Variants in PCDHA9 observed in about 807,000 individuals in gnomAD.
The protein encoded by PCDHA9 is protocadherin alpha-9.
PCDHA9 carries 62 observed loss-of-function variants against 62.0 expected under a neutral mutation model. The ratio of observed to expected loss-of-function variants is 1.00; its 90% CI spans 0.81 to 1.23. PCDHA9 has a LOEUF of 1.23. Among genes scored for constraint, PCDHA9 ranks in the 50% most tolerant of loss-of-function variants. The pLI, the probability that PCDHA9 is intolerant of heterozygous loss-of-function variation, is 0.00. For synonymous variants in PCDHA9, 557 were observed against 567.6 expected, an observed-to-expected ratio of 0.98 and a Z score of 0.27; for missense variants, 1,205 against 1,249.8, an observed-to-expected ratio of 0.96 and a Z score of 0.54.
chr5:140,850,216 A>C lies in PCDHA9; in HGVS notation c.1721A>C (p.Asp574Ala). 5 of 1,593,446 alleles carry C rather than the reference A, an allele frequency of 3.1e-6. No individual in the cohort carries two copies. The East Asian group carries it at 1.1e-4, about 36-fold the overall frequency. ...CTGACACCTCGGATGAGGGGCACTG[A>C]CGGCGCAGTGAGCGAGATGGTGCTG... Reference protein sequence around the residue: ...ALLTPRMRGTDGAVSEMVLRS... With the variant: ...ALLTPRMRGTAGAVSEMVLRS... Residue 574 changes from aspartate to alanine, a missense_variant, in exon 1 of 4, where the codon GAC becomes GCC. Transcript: ENST00000532602.
chr5:140,918,321 T>C (rs1175303192), intron 1 of PCDHA9, among the ~76,000 whole-genome samples: 2 of 152,054 alleles, frequency 1.3e-5, no homozygotes, highest in Non-Finnish European at 2.9e-5. Flanking sequence ...GGTATAAAAT[T>C]ATATTGTCTG....
intron 1 of PCDHA9, among the ~76,000 whole-genome samples, chr5:140,941,207 C>CTTCCTTTCTT (rs1563185091): frequency 3.9e-5 from 4 of 103,272 alleles, no homozygotes; most frequent in African/African-American, 1.7e-4. Context: ...TTCTTCCTTT[C>CTTCCTTTCTT]TTTCTTCCTT....
At chr5:140,875,987 TAA>T (rs781909320) in intron 1 of PCDHA9, 4 of 1,613,914 alleles carry the variant, frequency 2.5e-6, no homozygotes, top group Admixed American at 1.7e-5. Context: ...ACCTATGCGT[TAA>T]GTCTAAATGA....
intron 3 of PCDHA9, among the ~76,000 whole-genome samples, chr5:140,998,872 T>C (rs1159101161): frequency 6.6e-6 from 1 of 152,202 alleles, no homozygotes; most frequent in African/African-American, 2.4e-5. Flanking sequence ...TTGTAAATAA[T>C]AAGTTTAGTT....
chr5:140,876,979 G>A (rs1554169178), intron 1 of PCDHA9: 2 of 1,612,614 alleles, frequency 1.2e-6, no homozygotes, highest in South Asian at 2.2e-5. Flanking sequence ...GGGCGAGCAC[G>A]CACTGTCGAG....
chr5:140,858,041 C>A (rs1446194845), intron 1 of PCDHA9: 1 of 1,596,846 alleles, frequency 6.3e-7, no homozygotes, highest in East Asian at 2.2e-5. Context: ...GGCCACTGTG[C>A]TTGTGTCGCT....
intron 1 of PCDHA9, among the ~76,000 whole-genome samples, chr5:140,953,801 T>C (rs2094937379): frequency 6.6e-6 from 1 of 152,204 alleles, no homozygotes; most frequent in Non-Finnish European, 1.5e-5. Flanking sequence ...ACTTTTAAGT[T>C]CTGAGGTGCA....
At chr5:140,869,521 C>G (rs782236624) in intron 1 of PCDHA9, 1 of 1,614,182 alleles carries the variant, frequency 6.2e-7, no homozygotes, top group Non-Finnish European at 8.5e-7. Context: ...AGAACAAAAG[C>G]TGCTGATTGC....
intron 1 of PCDHA9, chr5:140,857,828 C>G (rs781917564): frequency 6.3e-7 from 1 of 1,597,660 alleles, no homozygotes; most frequent in South Asian, 1.1e-5. Flanking sequence ...GGCTAAGGTG[C>G]GCGCAGTGGA....
chr5:140,883,004 G>A (rs1554176457), intron 1 of PCDHA9: 1 of 1,614,118 alleles, frequency 6.2e-7, no homozygotes, highest in East Asian at 2.2e-5. Flanking sequence ...TTACCAATCC[G>A]TTTATAAAGT....
At chr5:140,870,070 G>T (rs1554163779) in intron 1 of PCDHA9, 1 of 1,613,880 alleles carries the variant, frequency 6.2e-7, no homozygotes, top group Admixed American at 1.7e-5. Flanking sequence ...ACAGGCTACA[G>T]ATAAGGGGAC....
chr5:140,997,711 C>T (rs963457412), intron 3 of PCDHA9, among the ~76,000 whole-genome samples: 4 of 151,080 alleles, frequency 2.6e-5, no homozygotes. Flanking sequence ...TTAACAAACA[C>T]CTTTCTACGT....
chr5:140,925,108 G>GGAAGGAAGGAAGGAA (rs1554202548), intron 1 of PCDHA9, among the ~76,000 whole-genome samples: 36 of 124,780 alleles, frequency 2.9e-4, no homozygotes, highest in African/African-American at 1.2e-3. Context: ...GAAGGAAGGA[G>GGAAGGAAGGAAGGAA]GGAAGGAAGG....
intron 1 of PCDHA9, chr5:140,869,694 G>A (rs782372405): frequency 6.2e-7 from 1 of 1,613,394 alleles, no homozygotes; most frequent in Non-Finnish European, 8.5e-7. Flanking sequence ...TTATTTTAAA[G>A]AAGTCTCTGG....
Position 140,969,604 on chromosome 5 carries a change from AAC to A in PCDHA9, c.2395-9341_2395-9340del. 5.2e-6 allele frequency: 4 copies of A among 765,156 alleles called. No homozygotes were observed. The South Asian group carries it at 6.3e-5, about 12-fold the overall frequency. 47.4% of individuals were successfully genotyped at this position (765,156 alleles called of 1,614,324 possible). A position where few individuals can be genotyped will look rare whatever the true frequency, so the allele number is the denominator to read the frequency against. On this transcript the variant is annotated intron_variant, in intron 1 of 3. Transcript: ENST00000532602. Reference sequence around the variant, plus strand: ...GATTAGTCTTAATATTTAATGCTAAAACACAGATTTGTAGAGAAACAGGACAG... The same window carrying A: ...GATTAGTCTTAATATTTAATGCTAAAACAGATTTGTAGAGAAACAGGACAG...
chr5:140,882,299 C>T (rs781797969), intron 1 of PCDHA9: 33 of 1,613,690 alleles, frequency 2.0e-5, no homozygotes, highest in Non-Finnish European at 2.7e-5. Flanking sequence ...AGGCCCAAGA[C>T]CGCGGCAACT....
At chr5:140,968,467 A>T in intron 1 of PCDHA9, 1 of 1,614,124 alleles carries the variant, frequency 6.2e-7, no homozygotes, top group East Asian at 2.2e-5. Flanking sequence ...CTGCCAACGT[A>T]TATGTGGTGG....
chr5:141,004,745 A>C (rs1282005519), intron 3 of PCDHA9, among the ~76,000 whole-genome samples: 2 of 152,158 alleles, frequency 1.3e-5, no homozygotes, highest in Non-Finnish European at 2.9e-5. Flanking sequence ...CTTTTGTCTC[A>C]GTCTCTTAGA....
chr5:141,000,005 C>T (rs2097888446), intron 3 of PCDHA9, among the ~76,000 whole-genome samples: 1 of 152,024 alleles, frequency 6.6e-6, no homozygotes. Context: ...ATTAGATTGG[C>T]CTCCCCATTG....
Sources: gnomAD v4.1 joint callset for allele counts (sites outside exome capture counted in the v4.1 genomes callset) on GRCh38, gnomAD v4.1.1 for gene constraint, MANE v1.5 for transcripts, NCBI Gene and HGNC (gene_info 2026-07-23, HGNC 2026-07-21) for gene names.